Variants in CRAMP1 observed in about 807,000 individuals in gnomAD.
The protein encoded by CRAMP1 is protein cramped-like.
Under a neutral mutation model 115.4 loss-of-function variants are expected in CRAMP1, and 50 were observed. That is an observed-to-expected ratio of 0.43 (90% confidence interval 0.35 to 0.55). The LOEUF is 0.55. Among genes scored for constraint, CRAMP1 ranks in the 20% least tolerant of loss-of-function variants. The pLI is 0.01. For synonymous variants in CRAMP1, 866 were observed against 745.4 expected, an observed-to-expected ratio of 1.16 and a Z score of -2.64; for missense variants, 1,679 against 1,721.7, an observed-to-expected ratio of 0.98 and a Z score of 0.44.
intron 5 of CRAMP1, among the ~76,000 whole-genome samples, chr16:1,639,637 A>G (rs920710479): frequency 3.7e-4 from 56 of 152,176 alleles, no homozygotes; most frequent in African/African-American, 1.4e-3. Flanking sequence ...ACCTAGCAGA[A>G]GCAACCAGTC....
Position 1,640,360 on chromosome 16 carries a change from G to A in CRAMP1, c.779-779G>A, listed in dbSNP as rs1333501570. On this transcript the variant is annotated intron_variant, in intron 5 of 20. Transcript: ENST00000397412. ...GGCCTGTGCTGCTCTGATGAGAGGG[G>A]TCAGTGGTCATCTATGCCCTCATTC... is the stretch of plus-strand genomic sequence containing the variant. Among the ~76,000 whole-genome samples the A allele has an allele frequency of 2.6e-5, 4 of 152,188 alleles. No individual in the cohort carries two copies. The East Asian group carries it at 7.7e-4, about 29-fold the overall frequency.
At chr16:1,633,205 G>C (rs1321440515) in intron 4 of CRAMP1, among the ~76,000 whole-genome samples, 4 of 152,212 alleles carry the variant, frequency 2.6e-5, no homozygotes, top group African/African-American at 9.6e-5. Flanking sequence ...GGCCATTCCT[G>C]TGGTGTCCTC....
chr16:1,635,332 T>C (rs2036579935), intron 4 of CRAMP1, among the ~76,000 whole-genome samples: 1 of 152,210 alleles, frequency 6.6e-6, no homozygotes, highest in South Asian at 2.1e-4. Context: ...TTGGGGGCCT[T>C]GCGTGTGTGT....
intron 2 of CRAMP1, among the ~76,000 whole-genome samples, chr16:1,623,603 G>A (rs961216244): frequency 1.3e-5 from 2 of 152,240 alleles, no homozygotes; most frequent in South Asian, 2.1e-4. Flanking sequence ...GAAGATGATA[G>A]TTTAGCGAGT....
At chr16:1,626,832 T>C (rs892298785) in intron 3 of CRAMP1, among the ~76,000 whole-genome samples, 1 of 152,242 alleles carries the variant, frequency 6.6e-6, no homozygotes, top group Non-Finnish European at 1.5e-5. Flanking sequence ...ATATTCTCCT[T>C]GCCTGTGTGC....
At chr16:1,616,657 ACTTAGGTTG>A (rs1398222114) in intron 2 of CRAMP1, among the ~76,000 whole-genome samples, 1 of 152,148 alleles carries the variant, frequency 6.6e-6, no homozygotes, top group Non-Finnish European at 1.5e-5. Flanking sequence ...CTTGGCTCAC[ACTTAGGTTG>A]CTGGCACTTC....
At chr16:1,628,938 A>AT (rs2036527142) in intron 3 of CRAMP1, among the ~76,000 whole-genome samples, 1 of 152,158 alleles carries the variant, frequency 6.6e-6, no homozygotes, top group Admixed American at 6.5e-5. Context: ...GCATGCTCAG[A>AT]TTCGCGCCCG....
intron 6 of CRAMP1, among the ~76,000 whole-genome samples, chr16:1,650,870 A>G (rs962741792): frequency 6.6e-6 from 1 of 152,222 alleles, no homozygotes; most frequent in Non-Finnish European, 1.5e-5. Flanking sequence ...ACACAAGCCC[A>G]TTGTCGTTCA....
rs2036921879 is a variant in CRAMP1 at position 1,671,545 on chromosome 16, A to C, written c.3645+736A>C. On this transcript the variant is annotated intron_variant, in intron 20 of 20. Coordinates refer to ENST00000397412, the MANE Select transcript of CRAMP1 (RefSeq NM_020825.4). The surrounding 1 kb of genome is among the most constrained non-coding windows in gnomAD (Gnocchi z 5.0). Reference sequence around the variant, plus strand: ...ACTGTGACGTAAAGTGCAGAGTGGCAGGTGTGTGGGCAGTCGGGTGAGGGC... The same window carrying C: ...ACTGTGACGTAAAGTGCAGAGTGGCCGGTGTGTGGGCAGTCGGGTGAGGGC... Among the ~76,000 whole-genome samples, 1 of 152,198 alleles carries C rather than the reference A, an allele frequency of 6.6e-6. No homozygotes were observed. The highest frequency in any genetic ancestry group is 6.5e-5 in the Admixed American group (1 of 15,290).
At chr16:1,642,937 G>A (rs960395025) in intron 6 of CRAMP1, among the ~76,000 whole-genome samples, 37 of 152,324 alleles carry the variant, frequency 2.4e-4, no homozygotes, top group African/African-American at 8.2e-4. Context: ...CACCTGCAGC[G>A]CCATCCGCGG....
chr16:1,637,383 C>T (rs2142182661), intron 4 of CRAMP1, among the ~76,000 whole-genome samples: 1 of 152,260 alleles, frequency 6.6e-6, no homozygotes, highest in South Asian at 2.1e-4. Context: ...TTGGCTCCTC[C>T]TCCCGCCTGG....
At chr16:1,622,605 G>T (rs796478297) in intron 2 of CRAMP1, among the ~76,000 whole-genome samples, 25 of 152,244 alleles carry the variant, frequency 1.6e-4, no homozygotes, top group African/African-American at 6.0e-4. Flanking sequence ...TCTGTTTTTT[G>T]GGGTTTTCTG....
At position 1,666,051 on chromosome 16, in the gene CRAMP1, G is replaced by T; in HGVS notation, c.2753-22G>T. The T allele has an allele frequency of 6.5e-7, 1 of 1,540,874 alleles. No homozygotes were observed. Among genetic ancestry groups the T allele is most frequent in the Non-Finnish European group, 8.8e-7 (1 of 1,130,288 alleles). On this transcript the variant is annotated intron_variant, in intron 14 of 20. Coordinates refer to ENST00000397412, the MANE Select transcript of CRAMP1 (RefSeq NM_020825.4). This position sits in a 1 kb window ranked among gnomAD's most constrained non-coding sequence, Gnocchi z 5.0. ...CATGGCGGGCGGGCTCGACATGTCT[G>T]CTTTTGCCCTCGCCCTCGCAGGGAG...
At position 1,656,724 on chromosome 16, in the gene CRAMP1, C is replaced by A; in HGVS notation, c.1967C>A (p.Pro656His). The change falls in exon 10 of 21, where the codon CCT becomes CAT. Residue 656 changes from proline (P) to histidine (H), a missense_variant. Physicochemically the swap from Pro to His is moderately conservative, Grantham distance 77. This residue lies in a region of CRAMP1 where 405 missense variants were observed against 302.6 expected (regional missense o/e 1.34). Transcript: ENST00000397412. This position sits in a 1 kb window ranked among gnomAD's most constrained non-coding sequence, Gnocchi z 5.6. ...PAGPPPSQGQ[P>H]AARPPKEVPA... ...GGGCCTCCGCCGTCTCAGGGACAGCCTGCCGCCAGGCCCCCGAAGGAGGTC... is the reference window on the plus strand; with the variant it reads ...GGGCCTCCGCCGTCTCAGGGACAGCATGCCGCCAGGCCCCCGAAGGAGGTC... 1 of 1,552,532 alleles carries A rather than the reference C, an allele frequency of 6.4e-7. No individual in the cohort carries two copies. The highest frequency in any genetic ancestry group is 8.7e-7 in the Non-Finnish European group (1 of 1,148,404).
At chr16:1,654,267 A>G (rs2036750399) in intron 8 of CRAMP1, among the ~76,000 whole-genome samples, 1 of 150,310 alleles carries the variant, frequency 6.7e-6, no homozygotes, top group African/African-American at 2.5e-5. Flanking sequence ...CTGGAGTGCA[A>G]ATGGCGCAGT....
chr16:1,613,886 G>A (rs548756760), intron 1 of CRAMP1, among the ~76,000 whole-genome samples: 1 of 152,262 alleles, frequency 6.6e-6, no homozygotes, highest in East Asian at 1.9e-4. Context: ...TTCCCACCCT[G>A]GGAAGAAGAT....
chr16:1,660,189 C>A, intron 11 of CRAMP1, 126 bp downstream of exon 11: 1 of 755,890 alleles, frequency 1.3e-6, no homozygotes, highest in Non-Finnish European at 2.0e-6. Context: ...CAGCTCGCCA[C>A]TATCCAGATG....
chr16:1,642,426 A>G (rs2036640000), intron 6 of CRAMP1, among the ~76,000 whole-genome samples: 1 of 152,228 alleles, frequency 6.6e-6, no homozygotes, highest in Non-Finnish European at 1.5e-5. Flanking sequence ...GGGTGACCAC[A>G]GCCACCAGAA....
At position 1,644,753 on chromosome 16, in the gene CRAMP1, G is replaced by A. The variant is rs144066100; in HGVS notation, c.827+3566G>A. Reference sequence around the variant, plus strand: ...CAGGCCCAGCTCTGAGCACAGGAGGGTTTGCAGCAGGAGAGCCCCTCGTTC... The same window carrying A: ...CAGGCCCAGCTCTGAGCACAGGAGGATTTGCAGCAGGAGAGCCCCTCGTTC... On this transcript the variant is annotated intron_variant, in intron 6 of 20. Coordinates refer to ENST00000397412, the MANE Select transcript of CRAMP1 (RefSeq NM_020825.4). Among the ~76,000 whole-genome samples the A allele has an allele frequency of 2.6e-3, 401 of 152,292 alleles. 1 individual carries two copies. Among genetic ancestry groups the A allele is most frequent in the African/African-American group, 9.2e-3 (382 of 41,548 alleles).
Sources: gnomAD v4.1 joint callset for allele counts (sites outside exome capture counted in the v4.1 genomes callset) on GRCh38, gnomAD v4.1.1 for gene constraint, gnomAD v4.1.1 regional missense constraint, Gnocchi (gnomAD v3.1) non-coding constraint, MANE v1.5 for transcripts, NCBI Gene and HGNC (gene_info 2026-07-23, HGNC 2026-07-21) for gene names.